ADAMTSL1: variants seen among roughly 807,000 people sequenced by gnomAD.
ADAMTSL1 encodes ADAMTS like 1, also known as ADAMTS-like protein 1.
Under a neutral mutation model 201.8 loss-of-function variants are expected in ADAMTSL1, and 126 were observed. That is an observed-to-expected ratio of 0.62 (90% confidence interval 0.54 to 0.72). The LOEUF (loss-of-function observed/expected upper bound fraction) is 0.72. Among genes scored for constraint, ADAMTSL1 ranks in the 30% least tolerant of loss-of-function variants. The probability of loss-of-function intolerance (pLI) is 0.00; values close to 1 mark genes in which losing one functional copy is unlikely to be tolerated. For synonymous variants in ADAMTSL1, 1,121 were observed against 903.4 expected, an observed-to-expected ratio of 1.24 and a Z score of -4.32; for missense variants, 2,679 against 2,277.8, an observed-to-expected ratio of 1.18 and a Z score of -3.59.
chr9:18,295,378 C>A (rs559921923), intron 2 of ADAMTSL1, among the ~76,000 whole-genome samples: 1 of 151,298 alleles, frequency 6.6e-6, no homozygotes, highest in South Asian at 2.1e-4. Flanking sequence ...ATCACTCTGT[C>A]ACCAGGCTGG....
In ADAMTSL1 at chr9:18,826,342, C is replaced by G; in HGVS notation, c.3993C>G (p.His1331Gln). 1 of 1,613,680 alleles carries G rather than the reference C, an allele frequency of 6.2e-7. No individual in the cohort carries two copies. Among genetic ancestry groups the G allele is most frequent in the Admixed American group, 1.7e-5 (1 of 59,976 alleles). ...ATAAAAGCAAACTGGGCTCCCCGCACCATCTGCACGAAGGCTCCTTGCTGC... is the reference window on the plus strand; with the variant it reads ...ATAAAAGCAAACTGGGCTCCCCGCAGCATCTGCACGAAGGCTCCTTGCTGC... ...FRNKSKLGSP[H>Q]HLHEGSLLLT... The change falls in exon 22 of 29, where the codon CAC becomes CAG. Residue 1331 changes from histidine (H) to glutamine (Q), a missense_variant. His to Gln is a conservative substitution (Grantham distance 24, BLOSUM62 0). Transcript: ENST00000380548.
chr9:18,065,930 G>A (rs1485934476), intron 1 of ADAMTSL1, among the ~76,000 whole-genome samples: 6 of 135,766 alleles, frequency 4.4e-5, no homozygotes, highest in African/African-American at 1.7e-4. Context: ...GCAGTGAGCC[G>A]AGATCGCCCC....
At chr9:18,361,397 G>T (rs1357943152) in intron 2 of ADAMTSL1, among the ~76,000 whole-genome samples, 1 of 152,062 alleles carries the variant, frequency 6.6e-6, no homozygotes, top group African/African-American at 2.4e-5. Flanking sequence ...CAACAGTTTT[G>T]TCATTGAACA....
intron 9 of ADAMTSL1, among the ~76,000 whole-genome samples, chr9:18,662,941 C>G (rs1047105920): frequency 6.6e-6 from 1 of 152,042 alleles, no homozygotes; most frequent in African/African-American, 2.4e-5. Context: ...ATCAGGAATA[C>G]CAAAAGACAA....
At chr9:18,481,714 A>G (rs1172315511) in intron 1 of ADAMTSL1, among the ~76,000 whole-genome samples, 1 of 152,198 alleles carries the variant, frequency 6.6e-6, no homozygotes, top group Non-Finnish European at 1.5e-5. Context: ...CAAATTATCA[A>G]TCACTATTTG....
chr9:18,372,087 C>T (rs1038978043), intron 2 of ADAMTSL1, among the ~76,000 whole-genome samples: 1 of 152,166 alleles, frequency 6.6e-6, no homozygotes, highest in African/African-American at 2.4e-5. Context: ...GCAAATCCTT[C>T]AACTGCACTT....
In ADAMTSL1 at chr9:18,774,987, T is replaced by G. The variant is rs1028118283; in HGVS notation, c.2398-756T>G. Among the ~76,000 whole-genome samples the G allele has an allele frequency of 2.6e-5, 4 of 152,226 alleles. No individual in the cohort carries two copies. The East Asian group carries it at 7.7e-4, about 29-fold the overall frequency. ...TGTTTTCTAAAGAGGCTGTATCATT[T>G]TACTTTCCCACCAGTAATGAGTGAA... On this transcript the variant is annotated intron_variant, in intron 17 of 28. Transcript: ENST00000380548.
At chr9:18,787,891 C>A (rs1054137986) in intron 19 of ADAMTSL1, among the ~76,000 whole-genome samples, 6 of 152,086 alleles carry the variant, frequency 3.9e-5, no homozygotes, top group African/African-American at 1.4e-4. Flanking sequence ...AGTTACCCAG[C>A]AAGCAGATAA....
chr9:18,223,512 T>C (rs905307028), intron 2 of ADAMTSL1, among the ~76,000 whole-genome samples: 1 of 152,104 alleles, frequency 6.6e-6, no homozygotes, highest in Admixed American at 6.6e-5. Context: ...TTCAGTTCAT[T>C]AGCCCTGTCC....
chr9:18,599,493 T>C (rs1489723803), intron 4 of ADAMTSL1, among the ~76,000 whole-genome samples: 1 of 152,192 alleles, frequency 6.6e-6, no homozygotes, highest in African/African-American at 2.4e-5. Flanking sequence ...TGGAGAAATA[T>C]TTTTATGCTC....
At chr9:18,489,174 G>T (rs1473411886) in intron 1 of ADAMTSL1, among the ~76,000 whole-genome samples, 1 of 152,054 alleles carries the variant, frequency 6.6e-6, no homozygotes, top group Non-Finnish European at 1.5e-5. Flanking sequence ...TGATCTAATT[G>T]AATATTTAAA....
intron 1 of ADAMTSL1, among the ~76,000 whole-genome samples, chr9:18,153,760 C>T (rs956261182): frequency 6.6e-6 from 1 of 151,980 alleles, no homozygotes; most frequent in Non-Finnish European, 1.5e-5. Flanking sequence ...GCTACCAAAA[C>T]ATGTATAGAA....
chr9:18,405,045 C>T (rs1324800512), intron 2 of ADAMTSL1, among the ~76,000 whole-genome samples: 1 of 152,080 alleles, frequency 6.6e-6, no homozygotes, highest in Non-Finnish European at 1.5e-5. Flanking sequence ...AGCGCTAGAC[C>T]TCCGCAACTG....
intron 23 of ADAMTSL1, among the ~76,000 whole-genome samples, chr9:18,844,764 T>G (rs909418001): frequency 1.3e-5 from 2 of 152,216 alleles, no homozygotes; most frequent in Admixed American, 6.5e-5. Flanking sequence ...CCCCCAGCCT[T>G]GCTGCCGCAT....
intron 13 of ADAMTSL1, among the ~76,000 whole-genome samples, chr9:18,692,856 CTT>C (rs1481910567): frequency 6.6e-6 from 1 of 152,122 alleles, no homozygotes; most frequent in Non-Finnish European, 1.5e-5. Flanking sequence ...GGGATGTGGC[CTT>C]TTAAGTAGAC....
intron 2 of ADAMTSL1, among the ~76,000 whole-genome samples, chr9:18,337,585 G>A (rs569710381): frequency 6.6e-6 from 1 of 152,112 alleles, no homozygotes; most frequent in East Asian, 1.9e-4. Context: ...TTAACCCAGG[G>A]TCACACTGCT....
intron 1 of ADAMTSL1, among the ~76,000 whole-genome samples, chr9:17,925,760 A>G (rs1258506686): frequency 6.8e-6 from 1 of 147,542 alleles, no homozygotes; most frequent in Admixed American, 6.8e-5. Context: ...ATGCTAGATG[A>G]CGAGTTAGTG....
rs146050665 is a variant in ADAMTSL1 at position 18,066,860 on chromosome 9, C to A, written c.88-97002C>A. Among the ~76,000 whole-genome samples, 71 of 152,244 alleles carry A rather than the reference C, an allele frequency of 4.7e-4. No individual in the cohort carries two copies. In the East Asian group the frequency reaches 0.011, roughly 23 times the overall value. On this transcript the variant is annotated intron_variant, in intron 1 of 29. Coordinates refer to the ADAMTSL1 transcript ENST00000680146. ...GAGAGACATAGATGAAAGTGGAAATCATCATTCTCAGTAAACTATTGCGAG... is the reference window on the plus strand; with the variant it reads ...GAGAGACATAGATGAAAGTGGAAATAATCATTCTCAGTAAACTATTGCGAG...
intron 23 of ADAMTSL1, among the ~76,000 whole-genome samples, chr9:18,866,468 G>C (rs1238776202): frequency 6.6e-6 from 1 of 152,146 alleles, no homozygotes; most frequent in African/African-American, 2.4e-5. Flanking sequence ...GACAGAAAAG[G>C]CAGATGGCTG....
Sources: allele counts gnomAD v4.1 joint callset (sites outside exome capture counted in the v4.1 genomes callset), GRCh38; gene constraint gnomAD v4.1.1; transcripts MANE v1.5; gene names NCBI Gene and HGNC (gene_info 2026-07-23, HGNC 2026-07-21).